The following STT3B variants were observed in gnomAD, a reference collection of about 807,000 sequenced individuals.
STT3B encodes the protein dolichyl-diphosphooligosaccharide--protein glycosyltransferase subunit STT3B.
STT3B carries 29 observed loss-of-function variants against 96.8 expected under a neutral mutation model. That is an observed-to-expected ratio of 0.30 (90% CI 0.22 to 0.41). STT3B has a LOEUF of 0.41. Among genes scored for constraint, STT3B ranks in the 10% least tolerant of loss-of-function variants. The pLI is 1.00. For missense variants in STT3B, 640 were observed against 1,022.3 expected (o/e 0.63, Z 5.10); for synonymous variants, 367 against 360.0 (o/e 1.02, Z -0.22).
chr3:31,621,400 T>C (rs1699425275), intron 9 of STT3B, among the ~76,000 whole-genome samples: 1 of 152,248 alleles, frequency 6.6e-6, no homozygotes, highest in South Asian at 2.1e-4. Context: ...TACAAATTCA[T>C]TGAGATACAC....
intron 10 of STT3B, among the ~76,000 whole-genome samples, chr3:31,622,661 GGACA>G (rs1407423414): frequency 6.6e-6 from 1 of 152,092 alleles, no homozygotes; most frequent in African/African-American, 2.4e-5. Context: ...GAAACCATGT[GGACA>G]GACAGGTGCT....
chr3:31,569,199 C>A lies in STT3B; in HGVS notation c.315-7197C>A, dbSNP rs1698079779. ...AATTAAAAAACTTTTTTTTCTTTCCCCAAGCTGTTCTCGAACTCCTGGGCT... is the reference window on the plus strand; with the variant it reads ...AATTAAAAAACTTTTTTTTCTTTCCACAAGCTGTTCTCGAACTCCTGGGCT... On this transcript the variant is annotated intron_variant, in intron 1 of 15. Transcript: ENST00000295770. Among the ~76,000 whole-genome samples, 3 of 151,794 alleles carry A rather than the reference C, an allele frequency of 2.0e-5. No homozygotes were observed. The South Asian group carries it at 6.2e-4, about 32-fold the overall frequency.
chr3:31,620,461 GGAA>G (rs887084673), intron 9 of STT3B, among the ~76,000 whole-genome samples: 2 of 152,012 alleles, frequency 1.3e-5, no homozygotes, highest in African/African-American at 4.8e-5. Context: ...TATTTAAGTA[GGAA>G]GAAGTTTTTA....
intron 13 of STT3B, among the ~76,000 whole-genome samples, chr3:31,628,365 C>T (rs566301083): frequency 6.6e-6 from 1 of 152,080 alleles, no homozygotes; most frequent in South Asian, 2.1e-4. Context: ...TTCTTTATTC[C>T]TTTGTTTACA....
chr3:31,621,162 A>G (rs556244130), intron 9 of STT3B, among the ~76,000 whole-genome samples: 1 of 152,372 alleles, frequency 6.6e-6, no homozygotes, highest in African/African-American at 2.4e-5. Flanking sequence ...CACAACAATC[A>G]TTAAAGAACA....
At chr3:31,635,600 A>G (rs1231965278) in intron 15 of STT3B, among the ~76,000 whole-genome samples, 3 of 152,172 alleles carry the variant, frequency 2.0e-5, no homozygotes, top group Non-Finnish European at 4.4e-5. Flanking sequence ...TTTTTCTGGC[A>G]CACACCTAAT....
chr3:31,594,112 T>C (rs1032910120), intron 3 of STT3B, among the ~76,000 whole-genome samples: 1 of 152,218 alleles, frequency 6.6e-6, no homozygotes, highest in Admixed American at 6.5e-5. Context: ...GCATGACTTA[T>C]TGTCTGGGAA....
Position 31,625,838 on chromosome 3 carries a change from A to T in STT3B, c.1900-116A>T, listed in dbSNP as rs1699525177. 20 of 986,160 alleles carry T rather than the reference A, an allele frequency of 2.0e-5. No individual in the cohort carries two copies. The South Asian group carries it at 3.8e-4, about 19-fold the overall frequency. 61.1% of individuals were successfully genotyped at this position (986,160 alleles called of 1,614,324 possible). On this transcript the variant is annotated intron_variant, in intron 12 of 15. Coordinates refer to ENST00000295770, the MANE Select transcript of STT3B (RefSeq NM_178862.3). ...TTCATAGTAAATCATTTCTGCAAAA[A>T]AATTCCATGTAAAACAAACTCTTGA...
intron 1 of STT3B, among the ~76,000 whole-genome samples, chr3:31,538,158 C>T (rs1559356216): frequency 2.6e-5 from 4 of 152,166 alleles, no homozygotes; most frequent in Admixed American, 6.6e-5. Context: ...TAATATTTTG[C>T]TTTAGCATAT....
chr3:31,617,550 G>A (rs559546030), intron 7 of STT3B, among the ~76,000 whole-genome samples: 13 of 151,978 alleles, frequency 8.6e-5, no homozygotes, highest in South Asian at 2.1e-4. Context: ...AATTTATCTG[G>A]TGGGATATGG....
chr3:31,631,991 G>A (rs1699672722), intron 14 of STT3B, among the ~76,000 whole-genome samples: 1 of 152,000 alleles, frequency 6.6e-6, no homozygotes, highest in Non-Finnish European at 1.5e-5. Flanking sequence ...GAGTAGCTGG[G>A]ACTACAGGCA....
chr3:31,623,914 T>G, intron 11 of STT3B, 53 bp downstream of exon 11: 2 of 1,397,134 alleles, frequency 1.4e-6, no homozygotes, highest in Non-Finnish European at 2.0e-6. Context: ...TTCTTTTTCG[T>G]TGTCTCAAAG....
chr3:31,595,265 T>G (rs1389716971), intron 3 of STT3B, among the ~76,000 whole-genome samples: 1 of 152,168 alleles, frequency 6.6e-6, no homozygotes, highest in Non-Finnish European at 1.5e-5. Flanking sequence ...AGACAGAGAT[T>G]CTGTAACAAG....
At chr3:31,631,938 G>A (rs530865768) in intron 14 of STT3B, among the ~76,000 whole-genome samples, 1 of 152,024 alleles carries the variant, frequency 6.6e-6, no homozygotes, top group East Asian at 1.9e-4. Flanking sequence ...TCACTGCAGT[G>A]TTGACCTCCT....
chr3:31,544,949 G>A (rs1477418673), intron 1 of STT3B, among the ~76,000 whole-genome samples: 2 of 152,022 alleles, frequency 1.3e-5, no homozygotes, highest in Non-Finnish European at 2.9e-5. Context: ...GGAGCGGGGG[G>A]GGAACATTGC....
chr3:31,630,297 C>T (rs981416241), intron 14 of STT3B, among the ~76,000 whole-genome samples: 1 of 152,158 alleles, frequency 6.6e-6, no homozygotes, highest in African/African-American at 2.4e-5. Flanking sequence ...GAGAAAGCAC[C>T]AGAGGAATCT....
At chr3:31,596,901 G>C (rs1342856402) in intron 4 of STT3B, 38 bp downstream of exon 4, 1 of 1,430,276 alleles carries the variant, frequency 7.0e-7, no homozygotes, top group Non-Finnish European at 9.8e-7. Context: ...AAGTCTAGTA[G>C]GTCTCTGGAG....
chr3:31,576,319 C>A, intron 1 of STT3B, 77 bp from the exon 2 acceptor site: 1 of 727,382 alleles, frequency 1.4e-6, no homozygotes, highest in Non-Finnish European at 2.2e-6. Flanking sequence ...ATTTATGTAG[C>A]CACAGAGTTT....
intron 1 of STT3B, among the ~76,000 whole-genome samples, chr3:31,573,813 T>A (rs967804766): frequency 6.6e-6 from 1 of 152,116 alleles, no homozygotes; most frequent in African/African-American, 2.4e-5. Context: ...AAGACTTGGG[T>A]GAATGACATC....
Sources: gnomAD v4.1 joint callset for allele counts (sites outside exome capture counted in the v4.1 genomes callset) on GRCh38, gnomAD v4.1.1 for gene constraint, MANE v1.5 for transcripts, NCBI Gene and HGNC (gene_info 2026-07-23, HGNC 2026-07-21) for gene names.